CEP85L: variants seen among roughly 807,000 people sequenced by gnomAD.
CEP85L encodes the protein centrosomal protein 85L.
Under a neutral mutation model 100.3 loss-of-function variants are expected in CEP85L, and 60 were observed. The ratio of observed to expected loss-of-function variants is 0.60; its 90% CI spans 0.49 to 0.74. The LOEUF (loss-of-function observed/expected upper bound fraction) is 0.74, where lower values mean the gene tolerates loss of function less well. Ranked by LOEUF, CEP85L falls within the 30% of genes least tolerant of loss-of-function variation. The probability of loss-of-function intolerance (pLI) is 0.00; values close to 1 mark genes in which losing one functional copy is unlikely to be tolerated. For missense variants in CEP85L, 973 were observed against 936.2 expected, an observed-to-expected ratio of 1.04 and a Z score of -0.51; for synonymous variants, 319 against 322.7, an observed-to-expected ratio of 0.99 and a Z score of 0.12.
At chr6:118,490,816 A>T (rs1306214763) in intron 6 of CEP85L, among the ~76,000 whole-genome samples, 1 of 152,330 alleles carries the variant, frequency 6.6e-6, no homozygotes, top group East Asian at 1.9e-4. Flanking sequence ...ACATTGAATA[A>T]AAGAATATAT....
chr6:118,606,201 T>A (rs1562303172), intron 2 of CEP85L, among the ~76,000 whole-genome samples: 1 of 152,146 alleles, frequency 6.6e-6, no homozygotes, highest in East Asian at 1.9e-4. Flanking sequence ...TAGTGCTCTT[T>A]AAAAAAACAA....
chr6:118,473,785 A>T (rs547798794), intron 10 of CEP85L, among the ~76,000 whole-genome samples: 62 of 152,284 alleles, frequency 4.1e-4, no homozygotes, highest in African/African-American at 1.4e-3. Context: ...CTTTCAAGGT[A>T]GTAGAATTTG....
rs534135945 is a variant in CEP85L at position 118,483,096 on chromosome 6, T to C, written c.1590+610A>G. On this transcript the variant is annotated intron_variant, in intron 7 of 12. Coordinates refer to ENST00000368491, the MANE Select transcript of CEP85L (RefSeq NM_001042475.3). ...AAAATTATCTGCCTCCAAATGTCAA[T>C]AGTGCCGAGGTCAAGAATCCCTGGC... Among the ~76,000 whole-genome samples the C allele has an allele frequency of 1.8e-4, 27 of 152,174 alleles. No homozygotes were observed. The East Asian group carries it at 4.6e-3, about 26-fold the overall frequency.
At chr6:118,646,878 CA>C (rs1775234955) in intron 1 of CEP85L, 1 of 950,344 alleles carries the variant, frequency 1.1e-6, no homozygotes, top group Non-Finnish European at 1.3e-6. Context: ...ATAAATATTA[CA>C]ACATGACAAT....
rs755172953 is a variant in CEP85L, at chr6:118,565,795, C to T, written c.754G>A (p.Val252Ile). 51 of 1,614,050 alleles carry T rather than the reference C, an allele frequency of 3.2e-5. No homozygotes were observed. In the Admixed American group the frequency reaches 6.5e-4, roughly 21 times the overall value. The change falls in exon 3 of 13, where the codon GTA becomes ATA. Residue 252 changes from valine (V) to isoleucine (I), a missense_variant. Val to Ile is a conservative substitution (Grantham distance 29). Transcript: ENST00000368491. The part of the protein sequence containing the change: ...ASSSTLRRQP[V>I]DMTYSALPES... ...GGTAAGGCACTATATGTCATGTCTA[C>T]AGGCTGTCTCCTAAGAGTAGAGGAA...
At chr6:118,631,438 T>A (rs1285786227) in intron 2 of CEP85L, among the ~76,000 whole-genome samples, 1 of 152,198 alleles carries the variant, frequency 6.6e-6, no homozygotes, top group East Asian at 1.9e-4. Context: ...AATATGCTAC[T>A]ACACAATCCA....
At chr6:118,521,286 T>A (rs890449897) in intron 4 of CEP85L, among the ~76,000 whole-genome samples, 9 of 152,210 alleles carry the variant, frequency 5.9e-5, no homozygotes, top group Non-Finnish European at 1.3e-4. Flanking sequence ...TGTTATATAT[T>A]TGATTCCAAT....
chr6:118,640,128 A>G (rs1383423333), intron 1 of CEP85L, among the ~76,000 whole-genome samples: 2 of 152,190 alleles, frequency 1.3e-5, no homozygotes, highest in Non-Finnish European at 2.9e-5. Context: ...AAACGGTAAG[A>G]AAAAAACGTT....
chr6:118,545,588 C>T (rs1428371902), intron 3 of CEP85L, among the ~76,000 whole-genome samples: 1 of 151,848 alleles, frequency 6.6e-6, no homozygotes, highest in African/African-American at 2.4e-5. Flanking sequence ...CTCCGCACCC[C>T]CTTCCAAAAA....
chr6:118,675,301 A>T (rs1445672436), intron 1 of CEP85L, among the ~76,000 whole-genome samples: 1 of 152,036 alleles, frequency 6.6e-6, no homozygotes, highest in Non-Finnish European at 1.5e-5. Flanking sequence ...AGGCAAATTC[A>T]TAGAAACAGT....
intron 3 of CEP85L, among the ~76,000 whole-genome samples, chr6:118,527,003 T>TC (rs149904570): frequency 4.6e-5 from 1 of 21,508 alleles, no homozygotes; most frequent in South Asian, 1.5e-3. Flanking sequence ...TTACTTTTTC[T>TC]TTTTTTTTTT....
chr6:118,632,914 G>A lies in CEP85L; in HGVS notation c.74-303C>T, dbSNP rs548608742. On this transcript the variant is annotated intron_variant, in intron 1 of 12. Transcript: ENST00000368491. ...TGGAACTATCCACTTATCTTCAAAT[G>A]TCAGTACTCTGCTCTAGAATAATTG... Among the ~76,000 whole-genome samples the A allele has an allele frequency of 5.3e-5, 8 of 152,158 alleles. 1 individual carries two copies. The highest frequency in any genetic ancestry group is 8.8e-5 in the Non-Finnish European group (6 of 68,024).
chr6:118,641,391 G>A (rs1774858711), intron 1 of CEP85L, among the ~76,000 whole-genome samples: 1 of 84,290 alleles, frequency 1.2e-5, no homozygotes, highest in Non-Finnish European at 2.8e-5. Context: ...GCAAGCTGCT[G>A]GAAGAAAAAA....
At chr6:118,706,410 C>A (rs1022419382) in intron 1 of CEP85L, among the ~76,000 whole-genome samples, 3 of 152,168 alleles carry the variant, frequency 2.0e-5, no homozygotes, top group African/African-American at 4.8e-5. Flanking sequence ...AAAACCTACT[C>A]TAAGGTATTC....
At chr6:118,652,770 T>A (rs1775639320), upstream of CEP85L, 2 of 1,532,588 alleles carry the variant, frequency 1.3e-6, no homozygotes, top group Non-Finnish European at 1.8e-6. Context: ...TCCAATTATT[T>A]CTCCAAATCA....
At chr6:118,516,474 G>A (rs185095050) in intron 4 of CEP85L, among the ~76,000 whole-genome samples, 1 of 152,172 alleles carries the variant, frequency 6.6e-6, no homozygotes, top group East Asian at 1.9e-4. Context: ...ATCTCATTGT[G>A]GTTTTGATTT....
At chr6:118,540,536 C>T (rs575663326) in intron 3 of CEP85L, among the ~76,000 whole-genome samples, 1 of 152,050 alleles carries the variant, frequency 6.6e-6, no homozygotes, top group South Asian at 2.1e-4. Flanking sequence ...GCGGGCACAT[C>T]ACGAGGTCAA....
chr6:118,484,193 G>A (rs1463507967), intron 6 of CEP85L, among the ~76,000 whole-genome samples: 6 of 152,194 alleles, frequency 3.9e-5, no homozygotes, highest in Admixed American at 3.9e-4. Context: ...GCACGTGCCT[G>A]TAGTCCCAGC....
intron 12 of CEP85L, among the ~76,000 whole-genome samples, chr6:118,465,988 T>C (rs1772488479): frequency 6.6e-6 from 1 of 152,126 alleles, no homozygotes; most frequent in African/African-American, 2.4e-5. Context: ...CATGAAAATA[T>C]TAATTTTCAA....
Sources: allele counts gnomAD v4.1 joint callset (sites outside exome capture counted in the v4.1 genomes callset), GRCh38; gene constraint gnomAD v4.1.1; transcripts MANE v1.5; gene names NCBI Gene and HGNC (gene_info 2026-07-23, HGNC 2026-07-21).